Variants in STXBP3 observed in about 807,000 individuals in gnomAD.
The protein encoded by STXBP3 is syntaxin binding protein 3.
Under a neutral mutation model 85.7 loss-of-function variants are expected in STXBP3, and 41 were observed. That is an observed-to-expected ratio of 0.48 (90% CI 0.37 to 0.62). The LOEUF is 0.62. Ranked by LOEUF, STXBP3 falls within the 20% of genes least tolerant of loss-of-function variation. The pLI is 0.00. For synonymous variants in STXBP3, 229 were observed against 231.7 expected, an observed-to-expected ratio of 0.99 and a Z score of 0.10; for missense variants, 563 against 703.1, an observed-to-expected ratio of 0.80 and a Z score of 2.25.
At chr1:108,807,236 C>T (rs1236992626) in intron 17 of STXBP3, among the ~76,000 whole-genome samples, 165 bp from the exon 18 acceptor site, 1 of 135,870 alleles carries the variant, frequency 7.4e-6, no homozygotes, top group Non-Finnish European at 1.5e-5. Flanking sequence ...CCAGCCTGGG[C>T]TACAAAGTGA....
At chr1:108,802,162 C>T (rs555014765) in intron 17 of STXBP3, among the ~76,000 whole-genome samples, 81 of 152,034 alleles carry the variant, frequency 5.3e-4, no homozygotes, top group Non-Finnish European at 9.4e-4. Flanking sequence ...TTTGGGAGGC[C>T]GAGGCGGGCA....
At chr1:108,752,539 A>G (rs1260473596) in intron 2 of STXBP3, among the ~76,000 whole-genome samples, 1 of 152,196 alleles carries the variant, frequency 6.6e-6, no homozygotes, top group African/African-American at 2.4e-5. Context: ...TCGAACCCCC[A>G]TGGATACCGA....
intron 12 of STXBP3, 102 bp downstream of exon 12, chr1:108,793,749 G>T: frequency 1.1e-6 from 1 of 935,558 alleles, no homozygotes; most frequent in Non-Finnish European, 1.6e-6. Context: ...TGGAATACTT[G>T]GTGTTATTTG....
chr1:108,784,923 G>A (rs1690729), intron 11 of STXBP3, among the ~76,000 whole-genome samples: 107,270 of 152,140 alleles, frequency 0.71, 38,810 homozygotes, highest in Non-Finnish European at 0.77. Flanking sequence ...CTTTGACTCC[G>A]TGTCTCACAT....
Position 108,798,239 on chromosome 1 carries a change from T to TA in STXBP3, c.1449+7dup, listed in dbSNP as rs1663154506. The TA allele has an allele frequency of 1.3e-6, 2 of 1,599,462 alleles. No homozygotes were observed. The highest frequency in any genetic ancestry group is 1.8e-5 in the Admixed American group (1 of 55,640). On this transcript the variant is annotated splice_region_variant and intron_variant, in intron 16 of 18. Coordinates refer to ENST00000370008, the MANE Select transcript of STXBP3 (RefSeq NM_007269.4). ...CCTTTTATCAAAGATATTATGGAGG[T>TA]AAAAATCATTAAAATGTTTTTTTCT... is the stretch of plus-strand genomic sequence containing the variant.
intron 9 of STXBP3, chr1:108,781,143 G>A (rs1662708983): frequency 6.6e-6 from 1 of 152,138 alleles, no homozygotes; most frequent in Non-Finnish European, 1.5e-5. Context: ...GAACAAAGTG[G>A]TATTTTAAAT....
chr1:108,796,112 C>A, intron 13 of STXBP3, 122 bp from the exon 14 acceptor site: 1 of 985,544 alleles, frequency 1.0e-6, no homozygotes, highest in Non-Finnish European at 1.5e-6. Flanking sequence ...GGTGATCTGC[C>A]TTGGCCTCCC....
rs1224424759 is a variant in STXBP3, at chr1:108,771,695, T to G, written c.439-970T>G. On this transcript the variant is annotated intron_variant, in intron 6 of 18. Coordinates refer to ENST00000370008, the MANE Select transcript of STXBP3 (RefSeq NM_007269.4). ...TAAATATATATGATATCTATCTATA[T>G]ATATCATATATAAATATATATGATA... Among the ~76,000 whole-genome samples, 2 of 24,716 alleles carry G rather than the reference T, an allele frequency of 8.1e-5. 1 individual carries two copies. The highest frequency in any genetic ancestry group is 1.6e-4 in the Non-Finnish European group (2 of 12,472). The allele number at this position is 24,716 out of a possible 152,430, so 16.2% of individuals were successfully genotyped here.
At chr1:108,756,840 C>G in intron 4 of STXBP3, 74 bp downstream of exon 4, 1 of 1,160,926 alleles carries the variant, frequency 8.6e-7, no homozygotes, top group Admixed American at 2.5e-5. Context: ...ACAGAAAATT[C>G]AAAGTAATAA....
intron 6 of STXBP3, among the ~76,000 whole-genome samples, chr1:108,767,810 C>T (rs1662299986): frequency 6.6e-6 from 1 of 151,988 alleles, no homozygotes; most frequent in South Asian, 2.1e-4. Flanking sequence ...TGATCTAGAA[C>T]TCCTGAGCTC....
At chr1:108,798,556 C>T (rs929022007) in intron 16 of STXBP3, among the ~76,000 whole-genome samples, 6 of 151,876 alleles carry the variant, frequency 4.0e-5, no homozygotes, top group Admixed American at 3.3e-4. Context: ...GCTGGGACTA[C>T]AGGCACACGC....
rs575471063 is a variant in STXBP3 at position 108,777,567 on chromosome 1, G to A, written c.684+1144G>A. Among the ~76,000 whole-genome samples, 6 of 152,264 alleles carry A rather than the reference G, an allele frequency of 3.9e-5. No homozygotes were observed. The South Asian group carries it at 1.2e-3, about 32-fold the overall frequency. ...AATGGCTTAGTACACATCGTAGATA[G>A]TGAATAAATGTTTGTTGAATGAAGA... On this transcript the variant is annotated intron_variant, in intron 8 of 18. Transcript: ENST00000370008.
At chr1:108,765,452 A>G (rs568974921) in intron 6 of STXBP3, among the ~76,000 whole-genome samples, 2 of 152,262 alleles carry the variant, frequency 1.3e-5, no homozygotes, top group East Asian at 1.9e-4. Flanking sequence ...CCTCAACCCC[A>G]TTGTGTGTCT....
chr1:108,780,077 G>C (rs1662684151), intron 9 of STXBP3: 1 of 152,046 alleles, frequency 6.6e-6, no homozygotes, highest in African/African-American at 2.4e-5. Flanking sequence ...ATCCAAACTG[G>C]TATTTGTCAG....
At chr1:108,805,939 C>T (rs1052345495) in intron 17 of STXBP3, among the ~76,000 whole-genome samples, 6 of 152,210 alleles carry the variant, frequency 3.9e-5, no homozygotes, top group African/African-American at 1.4e-4. Context: ...AGATCCTATA[C>T]TGCAAGGCAT....
chr1:108,796,133 G>T, intron 13 of STXBP3, 101 bp from the exon 14 acceptor site: 1 of 1,294,620 alleles, frequency 7.7e-7, no homozygotes, highest in South Asian at 1.5e-5. Flanking sequence ...AAAGTGCTGG[G>T]ATTACAGGCG....
At position 108,772,834 on chromosome 1, in the gene STXBP3, A is replaced by G. The variant is rs1662498928; in HGVS notation, c.593+15A>G. The G allele has an allele frequency of 5.7e-6, 9 of 1,571,034 alleles. No homozygotes were observed. In the East Asian group the frequency reaches 7.2e-5, roughly 12 times the overall value. On this transcript the variant is annotated intron_variant, in intron 7 of 18. Transcript: ENST00000370008. ...AGATATAAAAGGTAAGACACTGAGC[A>G]TCTGCACATGTTATGCTTCCTATTT...
intron 11 of STXBP3, among the ~76,000 whole-genome samples, chr1:108,785,840 C>G (rs1266563095): frequency 6.6e-6 from 1 of 152,196 alleles, no homozygotes; most frequent in Non-Finnish European, 1.5e-5. Context: ...CAAGAGTCAC[C>G]TTTGCTCTAG....
At chr1:108,747,913 G>A (rs974594560) in intron 1 of STXBP3, among the ~76,000 whole-genome samples, 1 of 152,110 alleles carries the variant, frequency 6.6e-6, no homozygotes, top group African/African-American at 2.4e-5. Context: ...TAAAACAATG[G>A]TATTTAAATA....
Sources: allele counts gnomAD v4.1 joint callset (sites outside exome capture counted in the v4.1 genomes callset), GRCh38; gene constraint gnomAD v4.1.1; transcripts MANE v1.5; gene names NCBI Gene and HGNC (gene_info 2026-07-23, HGNC 2026-07-21).